Variants in RRAGA observed in about 807,000 individuals in gnomAD.
RRAGA encodes the protein ras-related GTP-binding protein A.
Under a neutral mutation model 20.5 loss-of-function variants are expected in RRAGA, and 11 were observed. The ratio of observed to expected loss-of-function variants is 0.54; its 90% confidence interval spans 0.34 to 0.89. The LOEUF (loss-of-function observed/expected upper bound fraction) is 0.89. RRAGA is among the 40% of genes least tolerant of loss of function. The pLI is 0.02. For synonymous variants in RRAGA, 184 were observed against 155.4 expected (o/e 1.18, Z -1.37); for missense variants, 214 against 400.7 (o/e 0.53, Z 3.98).
chr9:19,050,094 G>T lies in RRAGA; in HGVS notation c.435G>T (p.Glu145Asp). The change falls in exon 1 of 1, where the codon GAG (glutamate) becomes GAT (aspartate). Residue 145 changes from glutamate to aspartate, a missense_variant. By Grantham distance (45) the Glu-to-Asp change is conservative. Around this residue, in one of 4 missense-constraint regions of RRAGA, gnomAD observed 88 missense variants for 169.9 expected, o/e 0.52. Coordinates refer to ENST00000380527, the MANE Select transcript of RRAGA (RefSeq NM_006570.5). Reference protein sequence around the residue: ...DQRDLIFKEREEDLRRLSRPL... With the variant: ...DQRDLIFKERDEDLRRLSRPL... ...GTGACCTGATTTTTAAAGAGCGAGA[G>T]GAAGACCTGAGGCGTCTGTCTCGCC... 1 of 1,614,100 alleles carries T rather than the reference G, an allele frequency of 6.2e-7. No homozygotes were observed. Among genetic ancestry groups the T allele is most frequent in the Non-Finnish European group, 8.5e-7 (1 of 1,180,022 alleles).
chr9:19,049,703 A>G lies in RRAGA; in HGVS notation c.44A>G (p.Lys15Arg). Residue 15 changes from lysine to arginine, a missense_variant, in exon 1 of 1, where the codon AAG becomes AGG. Around this residue, in one of 4 missense-constraint regions of RRAGA, gnomAD observed 18 missense variants for 16.9 expected, o/e 1.07. Coordinates refer to ENST00000380527, the MANE Select transcript of RRAGA (RefSeq NM_006570.5). This position sits in a 1 kb window ranked among gnomAD's most constrained non-coding sequence, Gnocchi z 5.4. The stretch of plus-strand genomic sequence containing the variant: ...AAGAAAAAGGTGCTGCTGATGGGGA[A>G]GAGCGGGTCGGGGAAGACCAGCATG... ...AMKKKVLLMG[K>R]SGSGKTSMRS... is the part of the protein sequence containing the mutation. 1 of 1,614,140 alleles carries G rather than the reference A, an allele frequency of 6.2e-7. No individual in the cohort carries two copies. The highest frequency in any genetic ancestry group is 8.5e-7 in the Non-Finnish European group (1 of 1,179,980).
At position 19,049,722 on chromosome 9, in the gene RRAGA, C is replaced by T; in HGVS notation, c.63C>T (p.Thr21=). The change falls in exon 1 of 1, where the codon ACC becomes ACT. Residue 21 remains threonine (T), a synonymous_variant. Coordinates refer to ENST00000380527, the MANE Select transcript of RRAGA (RefSeq NM_006570.5). The surrounding 1 kb of genome is among the most constrained non-coding windows in gnomAD (Gnocchi z 5.4). ...TGGGGAAGAGCGGGTCGGGGAAGAC[C>T]AGCATGAGGTCGATAATCTTCGCCA... ...LLMGKSGSGK[T]SMRSIIFANY... is the part of the protein sequence containing the mutation. 6.2e-7 allele frequency: 1 copy of T among 1,614,040 alleles called. No homozygotes were observed. The highest frequency in any genetic ancestry group is 8.5e-7 in the Non-Finnish European group (1 of 1,179,992).
rs991219385 is a variant in RRAGA at position 19,049,482 on chromosome 9, C to G, written c.-178C>G. The G allele has an allele frequency of 4.8e-5, 26 of 537,962 alleles. No homozygotes were observed. Among genetic ancestry groups the G allele is most frequent in the Non-Finnish European group, 6.4e-5 (20 of 310,152 alleles). The allele number at this position is 537,962 out of a possible 1,614,324, so 33.3% of individuals were successfully genotyped here. ...GCGGGCGCTCCCATCTGAGTAAGAG[C>G]CAGCCCGTCCGCGGCCTCTCCAGCC... On this transcript the variant is annotated 5_prime_UTR_variant, in exon 1 of 1. Transcript: ENST00000380527. This position sits in a 1 kb window ranked among gnomAD's most constrained non-coding sequence, Gnocchi z 5.4.
rs1477129324 is a variant in RRAGA, at chr9:19,050,340, G to C, written c.681G>C (p.Arg227=). 3 of 1,614,052 alleles carry C rather than the reference G, an allele frequency of 1.9e-6. No individual in the cohort carries two copies. Among genetic ancestry groups the C allele is most frequent in the African/African-American group, 2.7e-5 (2 of 74,914 alleles). ...GCAAAGAGCAGCGCGACGTCCACCGGTTTGAGAAGATCAGCAACATCATCA... is the reference window on the plus strand; with the variant it reads ...GCAAAGAGCAGCGCGACGTCCACCGCTTTGAGAAGATCAGCAACATCATCA... ...YQCKEQRDVH[R]FEKISNIIKQ... is the part of the protein sequence containing the mutation. Residue 227 remains arginine, a synonymous_variant, in exon 1 of 1, where the codon CGG becomes CGC. Coordinates refer to ENST00000380527, the MANE Select transcript of RRAGA (RefSeq NM_006570.5).
Position 19,049,591 on chromosome 9 carries a change from C to T in RRAGA, c.-69C>T. 3 of 1,258,780 alleles carry T rather than the reference C, an allele frequency of 2.4e-6. No homozygotes were observed. The allele number at this position is 1,258,780 out of a possible 1,614,324, so 78.0% of individuals were successfully genotyped here. A position where few individuals can be genotyped will look rare whatever the true frequency, so the allele number is the denominator to read the frequency against. On this transcript the variant is annotated 5_prime_UTR_variant, in exon 1 of 1. Transcript: ENST00000380527. This position sits in a 1 kb window ranked among gnomAD's most constrained non-coding sequence, Gnocchi z 5.4. ...CGCGGCCTGCGAGTCCCCGGCAGCC[C>T]CCGACCCCTCCCTCGGCGCTGCGTG...
In RRAGA at chr9:19,050,692, G is replaced by A; in HGVS notation, c.*91G>A. ...TATTCATAATGTCGTGTGCTTAAAA[G>A]TGGGCTTTGAAGTGTGTGCTGCTTA... On this transcript the variant is annotated 3_prime_UTR_variant, in exon 1 of 1. Transcript: ENST00000380527. 2.3e-6 allele frequency: 3 copies of A among 1,317,740 alleles called. No homozygotes were observed. Among genetic ancestry groups the A allele is most frequent in the Non-Finnish European group, 3.2e-6 (3 of 939,502 alleles). 81.6% of individuals were successfully genotyped at this position (1,317,740 alleles called of 1,614,324 possible).
rs957714991 is a variant in RRAGA at position 19,050,883 on chromosome 9, C to T, written c.*282C>T. On this transcript the variant is annotated 3_prime_UTR_variant, in exon 1 of 1. Coordinates refer to ENST00000380527, the MANE Select transcript of RRAGA (RefSeq NM_006570.5). ...ATTACCTGGTTATGATAGATATGCACATCAAAGCCTTTACCAGTATCTTCC... is the reference window on the plus strand; with the variant it reads ...ATTACCTGGTTATGATAGATATGCATATCAAAGCCTTTACCAGTATCTTCC... The T allele has an allele frequency of 5.4e-6, 2 of 368,226 alleles. No individual in the cohort carries two copies. Among genetic ancestry groups the T allele is most frequent in the Admixed American group, 4.2e-5 (1 of 23,732 alleles). The allele number at this position is 368,226 out of a possible 1,614,324, so 22.8% of individuals were successfully genotyped here.
rs1836314845 is a variant in RRAGA, at chr9:19,049,748, A to G, written c.89A>G (p.Asn30Ser). The change falls in exon 1 of 1, where the codon AAT becomes AGT. Residue 30 changes from asparagine (N) to serine (S), a missense_variant. Physicochemically the swap from Asn to Ser is conservative, Grantham distance 46. Transcript: ENST00000380527. The surrounding 1 kb of genome is among the most constrained non-coding windows in gnomAD (Gnocchi z 5.4). ...AGCATGAGGTCGATAATCTTCGCCA[A>G]TTACATTGCTCGCGACACCCGGCGC... ...KTSMRSIIFA[N>S]YIARDTRRLG... 1 of 1,614,002 alleles carries G rather than the reference A, an allele frequency of 6.2e-7. No homozygotes were observed. Among genetic ancestry groups the G allele is most frequent in the Non-Finnish European group, 8.5e-7 (1 of 1,179,980 alleles).
rs957053496 is a variant in RRAGA, at chr9:19,049,666, A to T, written c.7A>T (p.Asn3Tyr). 3 of 1,611,746 alleles carry T rather than the reference A, an allele frequency of 1.9e-6. No homozygotes were observed. The highest frequency in any genetic ancestry group is 1.7e-6 in the Non-Finnish European group (2 of 1,178,400). MP[N>Y]TAMKKKVLLM... ...CGCGGTGCCCCGGCGGGTGATGCCAAATACAGCCATGAAGAAAAAGGTGCT... is the reference window on the plus strand; with the variant it reads ...CGCGGTGCCCCGGCGGGTGATGCCATATACAGCCATGAAGAAAAAGGTGCT... Residue 3 changes from asparagine (N) to tyrosine (Y), a missense_variant, in exon 1 of 1, where the codon AAT becomes TAT. Asn to Tyr is a moderately radical substitution (Grantham distance 143). Around this residue, in one of 4 missense-constraint regions of RRAGA, gnomAD observed 18 missense variants for 16.9 expected, o/e 1.07. Transcript: ENST00000380527. The surrounding 1 kb of genome is among the most constrained non-coding windows in gnomAD (Gnocchi z 5.4).
chr9:19,049,851 C>A lies in RRAGA; in HGVS notation c.192C>A (p.Gly64=). 6.2e-7 allele frequency: 1 copy of A among 1,614,080 alleles called. No homozygotes were observed. Among genetic ancestry groups the A allele is most frequent in the African/African-American group, 1.3e-5 (1 of 75,006 alleles). Residue 64 remains glycine, a synonymous_variant, in exon 1 of 1, where the codon GGC becomes GGA. Transcript: ENST00000380527. The surrounding 1 kb of genome is among the most constrained non-coding windows in gnomAD (Gnocchi z 5.4). ...TGGTGCTGAACCTGTGGGACTGTGG[C>A]GGTCAGGACACCTTCATGGAAAATT... The part of the protein sequence containing the change: ...GNLVLNLWDC[G]GQDTFMENYF...
At position 19,050,432 on chromosome 9, in the gene RRAGA, A is replaced by T. The variant is rs145687014; in HGVS notation, c.773A>T (p.Asn258Ile). 6.2e-7 allele frequency: 1 copy of T among 1,614,126 alleles called. No individual in the cohort carries two copies. Among genetic ancestry groups the T allele is most frequent in the South Asian group, 1.1e-5 (1 of 91,068 alleles). The part of the protein sequence containing the change: ...SFQSMEVRNS[N>I]FAAFIDIFTS... ...CAGAGCATGGAAGTTAGGAATTCCA[A>T]CTTCGCTGCTTTCATCGACATCTTC... The change falls in exon 1 of 1, where the codon AAC (asparagine) becomes ATC (isoleucine). Residue 258 changes from asparagine (N) to isoleucine (I), a missense_variant. Transcript: ENST00000380527.
Position 19,050,589 on chromosome 9 carries a change from C to T in RRAGA, c.930C>T (p.Leu310=). 1.9e-6 allele frequency: 3 copies of T among 1,612,488 alleles called. No individual in the cohort carries two copies. Among genetic ancestry groups the T allele is most frequent in the Non-Finnish European group, 2.5e-6 (3 of 1,178,664 alleles). The change falls in exon 1 of 1, where the codon CTC becomes CTT. Residue 310 remains leucine, a synonymous_variant. Transcript: ENST00000380527. ...LERVDGPKHS[L]LMR ...GAGTGGATGGCCCCAAGCACAGTCT[C>T]CTTATGCGTTGAATATTGCCAAATG...
rs1454874832 is a variant in RRAGA, at chr9:19,049,837, C to T, written c.178C>T (p.Leu60=). 6.2e-7 allele frequency: 1 copy of T among 1,614,164 alleles called. No homozygotes were observed. Among genetic ancestry groups the T allele is most frequent in the Admixed American group, 1.7e-5 (1 of 60,026 alleles). The change falls in exon 1 of 1, where the codon CTG becomes TTG. Residue 60 remains leucine (L), a synonymous_variant. Transcript: ENST00000380527. This position sits in a 1 kb window ranked among gnomAD's most constrained non-coding sequence, Gnocchi z 5.4. ...VRFLGNLVLN[L]WDCGGQDTFM... ...ATTCCTAGGGAACCTGGTGCTGAACCTGTGGGACTGTGGCGGTCAGGACAC... is the reference window on the plus strand; with the variant it reads ...ATTCCTAGGGAACCTGGTGCTGAACTTGTGGGACTGTGGCGGTCAGGACAC...
chr9:19,050,319 A>G lies in RRAGA; in HGVS notation c.660A>G (p.Lys220=), dbSNP rs1344817533. 1.6e-5 allele frequency: 26 copies of G among 1,613,946 alleles called. No homozygotes were observed. Among genetic ancestry groups the G allele is most frequent in the African/African-American group, 2.7e-5 (2 of 74,866 alleles). ...TGGTTATTTCCCACTACCAGTGCAA[A>G]GAGCAGCGCGACGTCCACCGGTTTG... is the stretch of plus-strand genomic sequence containing the variant. ...TFLVISHYQC[K]EQRDVHRFEK... Residue 220 remains lysine, a synonymous_variant, in exon 1 of 1, where the codon AAA becomes AAG. Transcript: ENST00000380527.
In RRAGA at chr9:19,049,548, C is replaced by CGGCGG. The variant is rs1836306863; in HGVS notation, c.-111_-107dup. 2.7e-5 allele frequency: 21 copies of CGGCGG among 778,706 alleles called. No individual in the cohort carries two copies. In the East Asian group the frequency reaches 5.9e-4, roughly 22 times the overall value. 48.2% of individuals were successfully genotyped at this position (778,706 alleles called of 1,614,324 possible). ...CGACTCTCCTGCCTGCCCAGCTGCG[C>CGGCGG]GGCGGAGCGGAGCGAGGCGCGGCCT... On this transcript the variant is annotated 5_prime_UTR_variant, in exon 1 of 1. Coordinates refer to ENST00000380527, the MANE Select transcript of RRAGA (RefSeq NM_006570.5). The surrounding 1 kb of genome is among the most constrained non-coding windows in gnomAD (Gnocchi z 5.4).
Position 19,050,411 on chromosome 9 carries a change from G to T in RRAGA, c.752G>T (p.Ser251Ile). The change falls in exon 1 of 1, where the codon AGC becomes ATC. Residue 251 changes from serine to isoleucine, a missense_variant. Coordinates refer to ENST00000380527, the MANE Select transcript of RRAGA (RefSeq NM_006570.5). ...SCSKLAASFQ[S>I]MEVRNSNFAA... is the part of the protein sequence containing the mutation. ...AGTAAATTGGCCGCTTCCTTCCAGA[G>T]CATGGAAGTTAGGAATTCCAACTTC... is the stretch of plus-strand genomic sequence containing the variant. The T allele has an allele frequency of 6.2e-7, 1 of 1,614,174 alleles. No homozygotes were observed. The highest frequency in any genetic ancestry group is 8.5e-7 in the Non-Finnish European group (1 of 1,180,034).
At position 19,050,566 on chromosome 9, in the gene RRAGA, G is replaced by T; in HGVS notation, c.907G>T (p.Val303Leu). 6.2e-7 allele frequency: 1 copy of T among 1,614,242 alleles called. No homozygotes were observed. The stretch of plus-strand genomic sequence containing the variant: ...GAAACACTTTGAGAAGCTGGAGAGA[G>T]TGGATGGCCCCAAGCACAGTCTCCT... ...ARKHFEKLER[V>L]DGPKHSLLMR Residue 303 changes from valine to leucine, a missense_variant, in exon 1 of 1, where the codon GTG (valine) becomes TTG (leucine). Val to Leu is a conservative substitution (Grantham distance 32). This residue lies in a region of RRAGA where 68 missense variants were observed against 83.9 expected (regional missense o/e 0.81). Coordinates refer to ENST00000380527, the MANE Select transcript of RRAGA (RefSeq NM_006570.5).
In RRAGA at chr9:19,050,402, C is replaced by T; in HGVS notation, c.743C>T (p.Ser248Phe). 6.2e-7 allele frequency: 1 copy of T among 1,614,214 alleles called. No individual in the cohort carries two copies. The highest frequency in any genetic ancestry group is 8.5e-7 in the Non-Finnish European group (1 of 1,180,034). ...FKLSCSKLAASFQSMEVRNSN... is the reference protein window; with the variant it reads ...FKLSCSKLAAFFQSMEVRNSN... ...CTGAGCTGCAGTAAATTGGCCGCTT[C>T]CTTCCAGAGCATGGAAGTTAGGAAT... Residue 248 changes from serine (S) to phenylalanine (F), a missense_variant, in exon 1 of 1, where the codon TCC (serine) becomes TTC (phenylalanine). Coordinates refer to ENST00000380527, the MANE Select transcript of RRAGA (RefSeq NM_006570.5).
Position 19,050,405 on chromosome 9 carries a change from T to G in RRAGA, c.746T>G (p.Phe249Cys). 6.2e-7 allele frequency: 1 copy of G among 1,614,038 alleles called. No individual in the cohort carries two copies. The highest frequency in any genetic ancestry group is 2.2e-5 in the East Asian group (1 of 44,892). ...KLSCSKLAAS[F>C]QSMEVRNSNF... is the part of the protein sequence containing the mutation. ...AGCTGCAGTAAATTGGCCGCTTCCT[T>G]CCAGAGCATGGAAGTTAGGAATTCC... is the stretch of plus-strand genomic sequence containing the variant. Residue 249 changes from phenylalanine (F) to cysteine (C), a missense_variant, in exon 1 of 1, where the codon TTC becomes TGC. Transcript: ENST00000380527.
Sources: allele counts gnomAD v4.1 joint callset, GRCh38; gene constraint gnomAD v4.1.1; regional missense constraint gnomAD v4.1.1; non-coding constraint Gnocchi (gnomAD v3.1); transcripts MANE v1.5; gene names NCBI Gene and HGNC (gene_info 2026-07-23, HGNC 2026-07-21).